The following BTBD3 variants were observed in gnomAD, a reference collection of about 807,000 sequenced individuals.
The protein encoded by BTBD3 is BTB domain containing 3, also known as BTB/POZ domain-containing protein 3.
In BTBD3, 14 loss-of-function variants were observed where a neutral mutation model predicts 41.6. That is an observed-to-expected ratio of 0.34 (90% CI 0.22 to 0.53). The LOEUF (loss-of-function observed/expected upper bound fraction) is 0.53, where lower values mean the gene tolerates loss of function less well. BTBD3 is among the 20% of genes least tolerant of loss of function. The probability of loss-of-function intolerance (pLI) is 0.95; values close to 1 mark genes in which losing one functional copy is unlikely to be tolerated. For missense variants in BTBD3, 426 were observed against 654.7 expected (o/e 0.65, Z 3.81); for synonymous variants, 249 against 233.7 (o/e 1.07, Z -0.60).
At position 11,921,030 on chromosome 20, in the gene BTBD3, C is replaced by G. The variant is rs116929589; in HGVS notation, c.536+1194C>G. ...TGTAAACTAATCTGCTACTTTTAAC[C>G]TTTGTAATCTTTTGGAGATATATGT... On this transcript the variant is annotated intron_variant, in intron 3 of 3. Coordinates refer to ENST00000378226, the MANE Select transcript of BTBD3 (RefSeq NM_014962.4). Among the ~76,000 whole-genome samples the G allele has an allele frequency of 5.2e-3, 794 of 152,282 alleles. 15 individuals are homozygous for G. The highest frequency in any genetic ancestry group is 0.038 in the East Asian group (198 of 5,188).
Position 11,923,764 on chromosome 20 carries a change from A to C in BTBD3, c.*98A>C. On this transcript the variant is annotated 3_prime_UTR_variant, in exon 4 of 4. Transcript: ENST00000378226. This position sits in a 1 kb window ranked among gnomAD's most constrained non-coding sequence, Gnocchi z 5.3. ...CTGCAAATATGTGATCAGTGCCGGT[A>C]ATTTGTAATGAATGAAGCGGTAGGC... is the stretch of plus-strand genomic sequence containing the variant. The C allele has an allele frequency of 5.0e-6, 6 of 1,196,098 alleles. No individual in the cohort carries two copies. 74.1% of individuals were successfully genotyped at this position (1,196,098 alleles called of 1,614,324 possible).
chr20:11,920,192 T>C (rs1359395571), intron 3 of BTBD3, among the ~76,000 whole-genome samples: 13 of 152,216 alleles, frequency 8.5e-5, no homozygotes, highest in Admixed American at 8.5e-4. Flanking sequence ...TAAACAAATG[T>C]TTTTGCTTCA....
chr20:11,896,972 TG>T (rs1262334572), intron 1 of BTBD3, among the ~76,000 whole-genome samples: 2 of 152,384 alleles, frequency 1.3e-5, no homozygotes, highest in East Asian at 3.9e-4. Context: ...CTTTACCTGT[TG>T]GCAGTATTTG....
intron 1 of BTBD3, among the ~76,000 whole-genome samples, chr20:11,904,180 T>C (rs1327339944): frequency 2.0e-5 from 3 of 152,200 alleles, no homozygotes; most frequent in East Asian, 3.9e-4. Flanking sequence ...AGAGGTTTAA[T>C]TGGCTCACAG....
chr20:11,891,019 G>T (rs1177987649), intron 1 of BTBD3: 8 of 966,586 alleles, frequency 8.3e-6, no homozygotes, highest in Non-Finnish European at 9.8e-6. Flanking sequence ...GGGACCGCCC[G>T]GGCAGGGGCG....
At chr20:11,919,054 G>C in intron 1 of BTBD3, 32 bp from the exon 2 acceptor site, 1 of 1,524,718 alleles carries the variant, frequency 6.6e-7, no homozygotes. Context: ...AATGCAGGCT[G>C]CTGTGAATTA....
rs1600230538 is a variant in BTBD3 at position 11,902,169 on chromosome 20, A to G, written c.-126+11215A>G. On this transcript the variant is annotated intron_variant, in intron 1 of 4. Transcript: ENST00000254977. The stretch of plus-strand genomic sequence containing the variant: ...GAACATAAACAGTCAGTAAACGCAT[A>G]TTTTGTGTGTCGTATATATTATATA... 2.6e-5 allele frequency among the ~76,000 whole-genome samples: 4 copies of G among 152,186 alleles called. No homozygotes were observed. The South Asian group carries it at 8.3e-4, about 31-fold the overall frequency.
At chr20:11,894,961 TAAAC>T (rs766697296) in intron 1 of BTBD3, among the ~76,000 whole-genome samples, 25 of 152,214 alleles carry the variant, frequency 1.6e-4, no homozygotes, top group Non-Finnish European at 2.8e-4. Flanking sequence ...AAAGGTGAGA[TAAAC>T]AACATTTTGG....
chr20:11,919,869 G>T (rs765151202), intron 3 of BTBD3, 33 bp downstream of exon 3: 17 of 1,564,512 alleles, frequency 1.1e-5, no homozygotes, highest in Admixed American at 1.0e-4. Flanking sequence ...GAAAGAGTTT[G>T]TTTATGCTGT....
At chr20:11,914,520 G>C (rs968777723), upstream of BTBD3, among the ~76,000 whole-genome samples, 1 of 151,888 alleles carries the variant, frequency 6.6e-6, no homozygotes, top group Non-Finnish European at 1.5e-5. Flanking sequence ...TCATCTGGTG[G>C]TCCCTAGTCT....
chr20:11,893,848 T>C (rs985520899), intron 1 of BTBD3, among the ~76,000 whole-genome samples: 3 of 152,196 alleles, frequency 2.0e-5, no homozygotes, highest in Non-Finnish European at 4.4e-5. Context: ...TTGAACAAAA[T>C]TGGCCTTTAA....
upstream of BTBD3, chr20:11,913,233 AAC>A (rs1268532071): frequency 6.6e-6 from 1 of 152,230 alleles, no homozygotes; most frequent in Non-Finnish European, 1.5e-5. Flanking sequence ...GAGCAAGTTA[AAC>A]AAGAGTTGCC....
At chr20:11,903,184 G>T (rs2056833845) in intron 1 of BTBD3, among the ~76,000 whole-genome samples, 1 of 151,930 alleles carries the variant, frequency 6.6e-6, no homozygotes, top group African/African-American at 2.4e-5. Flanking sequence ...ATATTTTATG[G>T]TATCAAATGC....
chr20:11,890,851 C>T (rs2056744870), exon 1 of BTBD3: 5 of 985,222 alleles, frequency 5.1e-6, no homozygotes, highest in Non-Finnish European at 4.8e-6. Flanking sequence ...CCGCCGAGCC[C>T]GCCGGGCGCT....
chr20:11,906,462 C>T (rs2056855713), intron 1 of BTBD3, among the ~76,000 whole-genome samples: 1 of 151,614 alleles, frequency 6.6e-6, no homozygotes, highest in Admixed American at 6.6e-5. Flanking sequence ...TGGGGTTTCA[C>T]CATGTTGGAC....
At chr20:11,918,632 A>G in intron 1 of BTBD3, 31 bp downstream of exon 1, 1 of 1,532,742 alleles carries the variant, frequency 6.5e-7, no homozygotes, top group Non-Finnish European at 8.7e-7. Context: ...TTTACTTTAA[A>G]AGTTTTCCTG....
In BTBD3 at chr20:11,924,435, TA is replaced by T. The variant is rs2057001307; in HGVS notation, c.*772del. On this transcript the variant is annotated 3_prime_UTR_variant, in exon 4 of 4. Coordinates refer to ENST00000378226, the MANE Select transcript of BTBD3 (RefSeq NM_014962.4). ...GAAAAAAGTTAAACTCCTACTAATT[TA>T]AACTAAGACAGTTTAAAAAGGAAGC... is the stretch of plus-strand genomic sequence containing the variant. 1 of 152,376 alleles carries T rather than the reference TA, an allele frequency of 6.6e-6. No individual in the cohort carries two copies. The highest frequency in any genetic ancestry group is 1.5e-5 in the Non-Finnish European group (1 of 68,040). 9.4% of individuals were successfully genotyped at this position (152,376 alleles called of 1,614,324 possible).
chr20:11,907,778 G>A (rs1173472684), intron 1 of BTBD3, among the ~76,000 whole-genome samples: 2 of 152,148 alleles, frequency 1.3e-5, no homozygotes, highest in African/African-American at 4.8e-5. Flanking sequence ...TGTAGTGTGG[G>A]AATAGTCTGG....
intron 1 of BTBD3, among the ~76,000 whole-genome samples, chr20:11,894,020 T>G (rs2056771850): frequency 6.6e-6 from 1 of 152,260 alleles, no homozygotes; most frequent in African/African-American, 2.4e-5. Flanking sequence ...TTTTTAGTTT[T>G]AGTGGCTTGA....
Sources: gnomAD v4.1 joint callset for allele counts (sites outside exome capture counted in the v4.1 genomes callset) on GRCh38, gnomAD v4.1.1 for gene constraint, Gnocchi (gnomAD v3.1) non-coding constraint, MANE v1.5 for transcripts, NCBI Gene and HGNC (gene_info 2026-07-23, HGNC 2026-07-21) for gene names.